The following LAMC1 variants were observed in gnomAD, a reference collection of about 807,000 sequenced individuals.
LAMC1 encodes the protein laminin subunit gamma 1, also known as laminin subunit gamma-1.
In LAMC1, 38 loss-of-function variants were observed where a neutral mutation model predicts 173.6. That is an observed-to-expected ratio of 0.22 (90% CI 0.17 to 0.29). The LOEUF is 0.29. LAMC1 is among the 10% of genes least tolerant of loss of function. The pLI is 1.00. For synonymous variants in LAMC1, 746 were observed against 749.1 expected, an observed-to-expected ratio of 1.00 and a Z score of 0.07; for missense variants, 1,824 against 2,051.8, an observed-to-expected ratio of 0.89 and a Z score of 2.14.
chr1:183,120,671 CAG>C (rs1046796375), intron 11 of LAMC1, among the ~76,000 whole-genome samples: 4 of 152,184 alleles, frequency 2.6e-5, no homozygotes, highest in Non-Finnish European at 2.9e-5. Context: ...ATGCTTGTAT[CAG>C]GGGCACCACT....
intron 1 of LAMC1, among the ~76,000 whole-genome samples, chr1:183,028,157 C>T (rs902857195): frequency 6.6e-6 from 1 of 151,806 alleles, no homozygotes; most frequent in Non-Finnish European, 1.5e-5. Context: ...CATTCCTCCC[C>T]CCCCCCACCT....
At chr1:183,135,590 G>A (rs372997588) in intron 24 of LAMC1, among the ~76,000 whole-genome samples, 1 of 151,884 alleles carries the variant, frequency 6.6e-6, no homozygotes, top group Non-Finnish European at 1.5e-5. Flanking sequence ...TGCTTTACAG[G>A]GTACTAGTTG....
At chr1:183,081,543 G>A (rs988489600) in intron 1 of LAMC1, among the ~76,000 whole-genome samples, 12 of 147,264 alleles carry the variant, frequency 8.1e-5, no homozygotes, top group Non-Finnish European at 1.6e-4. Context: ...GCGAGACTCC[G>A]CCTCAAAAAT....
In LAMC1 at chr1:183,131,292, T is replaced by C. The variant is rs751523810; in HGVS notation, c.3487-7T>C. On this transcript the variant is annotated splice_polypyrimidine_tract_variant and splice_region_variant and intron_variant, in intron 19 of 27. Transcript: ENST00000258341. ...CTTTGAGAATAAGTGCTTTATTTCC[T>C]GTGCAGTCAGTCACTCAGCCAGAAT... The C allele has an allele frequency of 2.9e-5, 46 of 1,609,166 alleles. No homozygotes were observed. The Middle Eastern group carries it at 6.6e-4, about 23-fold the overall frequency.
At chr1:183,116,528 G>A in intron 6 of LAMC1, 49 bp from the exon 7 acceptor site, 1 of 1,276,240 alleles carries the variant, frequency 7.8e-7, no homozygotes, top group Non-Finnish European at 1.1e-6. Context: ...CTTGAAGAGT[G>A]GAAGTTTTCT....
At chr1:183,119,879 T>C (rs527509157) in intron 11 of LAMC1, among the ~76,000 whole-genome samples, 31 of 152,276 alleles carry the variant, frequency 2.0e-4, no homozygotes, top group Admixed American at 1.9e-3. Flanking sequence ...TTTTAAGAAG[T>C]GTTAAAACTG....
intron 16 of LAMC1, 128 bp downstream of exon 16, chr1:183,126,390 C>T (rs754458054): frequency 5.9e-5 from 49 of 823,950 alleles, no homozygotes; most frequent in Non-Finnish European, 8.8e-5. Context: ...CCTAAGTCAT[C>T]GTAGATGCTT....
intron 1 of LAMC1, among the ~76,000 whole-genome samples, chr1:183,036,253 T>C (rs1653978372): frequency 6.7e-6 from 1 of 149,708 alleles, no homozygotes; most frequent in South Asian, 2.1e-4. Flanking sequence ...CACTTGCCAC[T>C]GTGCCCAGCT....
chr1:183,052,458 C>T (rs1005518746), intron 1 of LAMC1, among the ~76,000 whole-genome samples: 4 of 151,986 alleles, frequency 2.6e-5, no homozygotes, highest in Admixed American at 6.6e-5. Context: ...TTCAGCCTCC[C>T]GAGTAGCTGG....
chr1:183,074,832 A>T (rs1655087336), intron 1 of LAMC1, among the ~76,000 whole-genome samples: 2 of 152,172 alleles, frequency 1.3e-5, no homozygotes, highest in Non-Finnish European at 2.9e-5. Flanking sequence ...GAAAAATGAA[A>T]CTTTACCTGA....
intron 1 of LAMC1, among the ~76,000 whole-genome samples, chr1:183,090,194 A>G (rs1178927073): frequency 6.6e-6 from 1 of 152,192 alleles, no homozygotes; most frequent in African/African-American, 2.4e-5. Context: ...AAAGCCAATT[A>G]AGACCTTTAA....
intron 3 of LAMC1, among the ~76,000 whole-genome samples, chr1:183,108,812 A>T (rs919294985): frequency 6.6e-6 from 1 of 152,214 alleles, no homozygotes; most frequent in African/African-American, 2.4e-5. Context: ...TGAAAACTGA[A>T]ATACTTGTAA....
intron 1 of LAMC1, among the ~76,000 whole-genome samples, chr1:183,054,190 A>G (rs1182943385): frequency 6.6e-6 from 1 of 152,174 alleles, no homozygotes. Flanking sequence ...AACATTTATT[A>G]ACTACTATGT....
intron 1 of LAMC1, among the ~76,000 whole-genome samples, chr1:183,069,064 A>G (rs1463892092): frequency 1.3e-5 from 2 of 152,182 alleles, no homozygotes; most frequent in Non-Finnish European, 2.9e-5. Context: ...CCTGGAGTAT[A>G]TGTTTTAAAA....
At chr1:183,030,001 G>T (rs10797817) in intron 1 of LAMC1, among the ~76,000 whole-genome samples, 75,784 of 151,944 alleles carry the variant, frequency 0.5, 19,600 homozygotes, top group South Asian at 0.64. Flanking sequence ...GTCCAGTCCT[G>T]CCTATTTTTG....
intron 1 of LAMC1, among the ~76,000 whole-genome samples, chr1:183,034,941 G>A (rs10911203): frequency 0.11 from 17,362 of 152,142 alleles, 1,124 homozygotes; most frequent in Admixed American, 0.2. Context: ...ACTTTTCTGA[G>A]GTTGCGTAGG....
Position 183,140,413 on chromosome 1 carries a change from G to C in LAMC1, c.4483G>C (p.Ala1495Pro), listed in dbSNP as rs1282296023. 5 of 1,611,808 alleles carry C rather than the reference G, an allele frequency of 3.1e-6. No homozygotes were observed. Among genetic ancestry groups the C allele is most frequent in the African/African-American group, 1.3e-5 (1 of 74,894 alleles). The change falls in exon 27 of 28, where the codon GCT becomes CCT. Residue 1495 changes from alanine to proline, a missense_variant. Physicochemically the swap from Ala to Pro is conservative, Grantham distance 27. Coordinates refer to ENST00000258341, the MANE Select transcript of LAMC1 (RefSeq NM_002293.4). ...CATTTTTCCCTTACAGGCTTCACAG[G>C]CTGCTCAAGAAGCCGAGATCAATGC... is the stretch of plus-strand genomic sequence containing the variant. ...DMMMAGMASQAAQEAEINARK... is the reference protein window; with the variant it reads ...DMMMAGMASQPAQEAEINARK...
At chr1:183,108,998 AG>A (rs773536172) in intron 3 of LAMC1, among the ~76,000 whole-genome samples, 3 of 152,212 alleles carry the variant, frequency 2.0e-5, no homozygotes, top group Non-Finnish European at 4.4e-5. Flanking sequence ...TGTTGTAAGC[AG>A]AAGTTTAGAG....
chr1:183,103,345 A>G lies in LAMC1; in HGVS notation c.436A>G (p.Thr146Ala). 1 of 1,613,672 alleles carries G rather than the reference A, an allele frequency of 6.2e-7. No homozygotes were observed. Among genetic ancestry groups the G allele is most frequent in the Non-Finnish European group, 8.5e-7 (1 of 1,179,806 alleles). The part of the protein sequence containing the change: ...TLHLGKAFDI[T>A]YVRLKFHTSR... ...TCCCACAGGAAAAGCTTTTGACATC[A>G]CCTATGTGCGTCTCAAGTTCCACAC... The change falls in exon 2 of 28, where the codon ACC becomes GCC. Residue 146 changes from threonine to alanine, a missense_variant. Physicochemically the swap from Thr to Ala is moderately conservative, Grantham distance 58. Coordinates refer to ENST00000258341, the MANE Select transcript of LAMC1 (RefSeq NM_002293.4).
Sources: gnomAD v4.1 joint callset for allele counts (sites outside exome capture counted in the v4.1 genomes callset) on GRCh38, gnomAD v4.1.1 for gene constraint, MANE v1.5 for transcripts, NCBI Gene and HGNC (gene_info 2026-07-23, HGNC 2026-07-21) for gene names.